ZNF536: variants seen among roughly 807,000 people sequenced by gnomAD.
ZNF536 encodes the protein zinc finger protein 536.
Under a neutral mutation model 84.5 loss-of-function variants are expected in ZNF536, and 13 were observed. The ratio of observed to expected loss-of-function variants is 0.15; its 90% CI spans 0.10 to 0.24. The LOEUF (loss-of-function observed/expected upper bound fraction) is 0.24, where lower values mean the gene tolerates loss of function less well. Ranked by LOEUF, ZNF536 falls within the 10% of genes least tolerant of loss-of-function variation. The probability of loss-of-function intolerance (pLI) is 1.00; values close to 1 mark genes in which losing one functional copy is unlikely to be tolerated. For missense variants in ZNF536, 1,536 were observed against 1,747.5 expected, an observed-to-expected ratio of 0.88 and a Z score of 2.16; for synonymous variants, 811 against 742.5, an observed-to-expected ratio of 1.09 and a Z score of -1.50.
chr19:30,627,740 A>T (rs186584957), intron 1 of ZNF536, among the ~76,000 whole-genome samples: 2 of 152,312 alleles, frequency 1.3e-5, no homozygotes, highest in Admixed American at 1.3e-4. Flanking sequence ...CAGACCAGGG[A>T]GGAATTTTCC....
intron 1 of ZNF536, among the ~76,000 whole-genome samples, chr19:30,661,935 GGA>G (rs1363144963): frequency 2.6e-5 from 4 of 152,224 alleles, no homozygotes; most frequent in Non-Finnish European, 2.9e-5. Flanking sequence ...GGAGATGGTG[GGA>G]GATCATTCTT....
At chr19:30,371,854 AAT>A (rs965453583), upstream of ZNF536, among the ~76,000 whole-genome samples, 1 of 151,702 alleles carries the variant, frequency 6.6e-6, no homozygotes, top group Non-Finnish European at 1.5e-5. Context: ...ATAAAGAGAG[AAT>A]ATATATACAT....
Position 30,610,072 on chromosome 19 carries a change from T to G in ZNF536, c.169+60558T>G, listed in dbSNP as rs78869263. 4.7e-3 allele frequency among the ~76,000 whole-genome samples: 716 copies of G among 152,316 alleles called. 6 individuals carry two copies. Among genetic ancestry groups the G allele is most frequent in the African/African-American group, 0.016 (682 of 41,552 alleles). The stretch of plus-strand genomic sequence containing the variant: ...CATCCATCCATGTCACAGATATTTA[T>G]TGAGAATCTACTACATGCTAGGCAC... On this transcript the variant is annotated intron_variant, in intron 1 of 1. Coordinates refer to the ZNF536 transcript ENST00000592773.
chr19:30,286,530 CAG>C (rs914897874), intron 2 of ZNF536, among the ~76,000 whole-genome samples: 19 of 119,578 alleles, frequency 1.6e-4, no homozygotes, highest in Non-Finnish European at 2.2e-4. Context: ...GAGACAGAGA[CAG>C]AGAGAGAGAG....
chr19:30,389,197 A>G (rs908808248), intron 1 of ZNF536, among the ~76,000 whole-genome samples: 1 of 152,172 alleles, frequency 6.6e-6, no homozygotes, highest in Admixed American at 6.5e-5. Flanking sequence ...TGGTTCTCCA[A>G]TTTCCAAGTA....
intron 2 of ZNF536, among the ~76,000 whole-genome samples, chr19:30,318,737 G>C (rs2046762654): frequency 6.6e-6 from 1 of 152,186 alleles, no homozygotes; most frequent in Non-Finnish European, 1.5e-5. Flanking sequence ...TTCTCTTAGG[G>C]TGAGGATCTG....
intron 1 of ZNF536, among the ~76,000 whole-genome samples, chr19:30,388,424 C>T (rs999491371): frequency 3.0e-4 from 45 of 152,202 alleles, no homozygotes; most frequent in Non-Finnish European, 4.4e-5. Flanking sequence ...CTCCTCCAGC[C>T]ATTGTGACCA....
chr19:30,498,821 C>T (rs1599594955), intron 2 of ZNF536, among the ~76,000 whole-genome samples: 2 of 152,062 alleles, frequency 1.3e-5, no homozygotes, highest in South Asian at 2.1e-4. Flanking sequence ...GGGTCAGTCA[C>T]TCCTAGGTCT....
chr19:30,557,071 G>T (rs2146367820), intron 4 of ZNF536, 86 bp from the exon 5 acceptor site: 1 of 1,406,066 alleles, frequency 7.1e-7, no homozygotes, highest in South Asian at 1.2e-5. Flanking sequence ...TAAACGATTA[G>T]GGGATGTGGC....
chr19:30,300,899 G>A (rs1373310779), intron 2 of ZNF536, among the ~76,000 whole-genome samples: 5 of 152,198 alleles, frequency 3.3e-5, no homozygotes, highest in Admixed American at 1.3e-4. Flanking sequence ...TAGCTCTGCC[G>A]CTAACTAGCT....
chr19:30,355,603 T>G (rs901461794), intron 3 of ZNF536, among the ~76,000 whole-genome samples: 14 of 152,078 alleles, frequency 9.2e-5, no homozygotes, highest in African/African-American at 3.4e-4. Context: ...TTTCCCAGGC[T>G]GGTCTTGAAC....
chr19:30,691,566 T>C (rs2051411129), intron 1 of ZNF536, among the ~76,000 whole-genome samples: 1 of 152,080 alleles, frequency 6.6e-6, no homozygotes, highest in Admixed American at 6.6e-5. Flanking sequence ...AACATGCAGG[T>C]TATTGTTTGT....
At chr19:30,587,387 T>C (rs1232712804) in intron 1 of ZNF536, among the ~76,000 whole-genome samples, 1 of 152,210 alleles carries the variant, frequency 6.6e-6, no homozygotes, top group Non-Finnish European at 1.5e-5. Context: ...TTTTCCCAAC[T>C]AAATCAAGAT....
chr19:30,364,616 A>T (rs1265273121), intron 3 of ZNF536, among the ~76,000 whole-genome samples: 6 of 152,196 alleles, frequency 3.9e-5, no homozygotes, highest in Non-Finnish European at 8.8e-5. Context: ...AGGAAGAAAG[A>T]TGGAAATTGG....
intron 1 of ZNF536, among the ~76,000 whole-genome samples, chr19:30,260,514 G>A (rs1343935730): frequency 2.0e-5 from 3 of 152,232 alleles, no homozygotes; most frequent in African/African-American, 7.2e-5. Context: ...CCAAGCCCAA[G>A]GCCAACCTCC....
rs928337404 is a variant in ZNF536 at position 30,256,781 on chromosome 19, G to T, written c.-189-27291G>T. The stretch of plus-strand genomic sequence containing the variant: ...AACGTTTGGGGCTGTCCTTTTTGAA[G>T]ACTTCCGGGAGATGGAGGTCACATT... On this transcript the variant is annotated intron_variant, in intron 1 of 5. Transcript: ENST00000585628. Among the ~76,000 whole-genome samples, 12 of 152,262 alleles carry T rather than the reference G, an allele frequency of 7.9e-5. No homozygotes were observed. In the East Asian group the frequency reaches 1.4e-3, roughly 17 times the overall value.
chr19:30,564,181 A>C (rs1354803650), intron 1 of ZNF536, among the ~76,000 whole-genome samples: 2 of 152,188 alleles, frequency 1.3e-5, no homozygotes, highest in Non-Finnish European at 2.9e-5. Flanking sequence ...ATAAAATTAA[A>C]TGAAAGAGTC....
At chr19:30,359,463 C>T (rs943945484) in intron 3 of ZNF536, among the ~76,000 whole-genome samples, 2 of 152,222 alleles carry the variant, frequency 1.3e-5, no homozygotes, top group African/African-American at 4.8e-5. Context: ...GGCCAGCGAC[C>T]GTTCCTGACT....
intron 2 of ZNF536, among the ~76,000 whole-genome samples, chr19:30,515,646 G>A (rs537575851): frequency 1.8e-4 from 28 of 152,164 alleles, no homozygotes; most frequent in South Asian, 1.5e-3. Flanking sequence ...AATCCACAGT[G>A]GACAATATAG....
Sources: allele counts gnomAD v4.1 joint callset (sites outside exome capture counted in the v4.1 genomes callset), GRCh38; gene constraint gnomAD v4.1.1; transcripts MANE v1.5; gene names NCBI Gene and HGNC (gene_info 2026-07-23, HGNC 2026-07-21).